Variants in DENND1A observed in about 807,000 individuals in gnomAD.
The protein encoded by DENND1A is DENN domain containing 1A, also known as DENN domain-containing protein 1A.
A neutral mutation model predicts 113.7 loss-of-function variants in DENND1A; 51 were observed. The ratio of observed to expected loss-of-function variants is 0.45; its 90% CI spans 0.36 to 0.57. The LOEUF is 0.57. Among genes scored for constraint, DENND1A ranks in the 20% least tolerant of loss-of-function variants. The pLI, the probability that DENND1A is intolerant of heterozygous loss-of-function variation, is 0.00. For missense variants in DENND1A, 1,258 were observed against 1,395.9 expected (o/e 0.90, Z 1.57); for synonymous variants, 565 against 570.8 (o/e 0.99, Z 0.14).
Position 123,688,256 on chromosome 9 carries a change from G to C in DENND1A, c.303-11467C>G, listed in dbSNP as rs372176661. Among the ~76,000 whole-genome samples the C allele has an allele frequency of 5.9e-5, 9 of 152,196 alleles. No individual in the cohort carries two copies. The East Asian group carries it at 1.7e-3, about 29-fold the overall frequency. ...CAGTTCTGTGTGACTTCCTATACTA[G>C]TAAGTACTTTTCTGGAAAAAAATCC... is the stretch of plus-strand genomic sequence containing the variant. On this transcript the variant is annotated intron_variant, in intron 5 of 23. Transcript: ENST00000394215.
At chr9:123,636,460 G>T (rs1264282332) in intron 9 of DENND1A, among the ~76,000 whole-genome samples, 2 of 152,008 alleles carry the variant, frequency 1.3e-5, no homozygotes, top group African/African-American at 4.8e-5. Flanking sequence ...GGGATTACAG[G>T]CACCTGCTAC....
In DENND1A at chr9:123,699,687, TC is replaced by T. The variant is rs1317842121; in HGVS notation, c.303-22899del. On this transcript the variant is annotated intron_variant, in intron 5 of 23. Coordinates refer to ENST00000394215, the MANE Select transcript of DENND1A (RefSeq NM_001352964.2). ...ATAGACTACCCTTTCATTCTTTCTT[TC>T]TTTTTTTTTTTTTTTTTTTTTTTAT... Among the ~76,000 whole-genome samples, 22 of 121,320 alleles carry T rather than the reference TC, an allele frequency of 1.8e-4. No homozygotes were observed. The East Asian group carries it at 3.9e-3, about 21-fold the overall frequency. The allele number at this position is 121,320 out of a possible 152,430, so 79.6% of individuals were successfully genotyped here. A position where few individuals can be genotyped will look rare whatever the true frequency, so the allele number is the denominator to read the frequency against.
intron 20 of DENND1A, among the ~76,000 whole-genome samples, chr9:123,407,266 C>T (rs1384674595): frequency 2.0e-5 from 3 of 152,154 alleles, no homozygotes; most frequent in African/African-American, 7.2e-5. Context: ...TGGCTGCCGA[C>T]CCACCCAGAG....
chr9:123,754,536 C>T (rs896155144), intron 5 of DENND1A, among the ~76,000 whole-genome samples: 15 of 152,104 alleles, frequency 9.9e-5, no homozygotes, highest in South Asian at 4.1e-4. Flanking sequence ...AACAGCAAGA[C>T]GACACTATGC....
intron 12 of DENND1A, among the ~76,000 whole-genome samples, chr9:123,576,792 G>C (rs1295488081): frequency 6.6e-6 from 1 of 152,154 alleles, no homozygotes; most frequent in Non-Finnish European, 1.5e-5. Flanking sequence ...ATTCTGGGTT[G>C]ATAAAAATTA....
In DENND1A at chr9:123,413,331, A is replaced by G. The variant is rs930687281; in HGVS notation, c.1489-1502T>C. On this transcript the variant is annotated intron_variant, in intron 19 of 23. Transcript: ENST00000394215. ...TTGGATATATTGGGTTCATTATATTAAAATCAATTTCACCTGTTTATGTTT... is the reference window on the plus strand; with the variant it reads ...TTGGATATATTGGGTTCATTATATTGAAATCAATTTCACCTGTTTATGTTT... 1.5e-5 allele frequency: 12 copies of G among 815,312 alleles called. No homozygotes were observed. In the Admixed American group the frequency reaches 7.5e-4, roughly 51 times the overall value. 50.5% of individuals were successfully genotyped at this position (815,312 alleles called of 1,614,324 possible).
At chr9:123,744,676 A>G (rs1452491343) in intron 5 of DENND1A, among the ~76,000 whole-genome samples, 2 of 151,466 alleles carry the variant, frequency 1.3e-5, no homozygotes, top group Non-Finnish European at 2.9e-5. Context: ...CATCTCACCT[A>G]TGACAATTGG....
chr9:123,827,392 AATATATAT>A (rs56805562), intron 2 of DENND1A, among the ~76,000 whole-genome samples: 14 of 140,786 alleles, frequency 9.9e-5, no homozygotes, highest in South Asian at 6.8e-4. Flanking sequence ...ATGGATATAT[AATATATAT>A]ATATATATAT....
chr9:123,491,719 C>T (rs1376672719), intron 13 of DENND1A, among the ~76,000 whole-genome samples: 1 of 152,164 alleles, frequency 6.6e-6, no homozygotes, highest in East Asian at 1.9e-4. Context: ...CATCCAGGAC[C>T]CTGGGAGCCC....
intron 2 of DENND1A, among the ~76,000 whole-genome samples, chr9:123,860,786 C>T (rs1324565131): frequency 3.3e-5 from 5 of 152,192 alleles, no homozygotes; most frequent in East Asian, 1.9e-4. Context: ...CTATGTCCTC[C>T]GCTTTACAGT....
At chr9:123,390,950 C>A (rs1454131876) in intron 21 of DENND1A, among the ~76,000 whole-genome samples, 2 of 152,276 alleles carry the variant, frequency 1.3e-5, no homozygotes, top group African/African-American at 4.8e-5. Context: ...TGCAACGCCA[C>A]TGAACCTGCC....
chr9:123,540,458 A>T (rs984575365), intron 13 of DENND1A, among the ~76,000 whole-genome samples: 1 of 152,216 alleles, frequency 6.6e-6, no homozygotes, highest in African/African-American at 2.4e-5. Context: ...CATTTTTAAA[A>T]ATAGAATTAG....
intron 1 of DENND1A, among the ~76,000 whole-genome samples, chr9:123,907,614 A>G (rs1160129172): frequency 3.4e-5 from 5 of 148,230 alleles, no homozygotes; most frequent in African/African-American, 1.3e-4. Context: ...AAAGAGAATA[A>G]AATACCTAGG....
At chr9:123,755,710 T>C (rs1334722015) in intron 5 of DENND1A, among the ~76,000 whole-genome samples, 2 of 152,238 alleles carry the variant, frequency 1.3e-5, no homozygotes, top group Non-Finnish European at 2.9e-5. Context: ...TTTATGATGA[T>C]CCACTTCCAC....
chr9:123,885,630 A>C (rs1000943195), intron 1 of DENND1A, among the ~76,000 whole-genome samples: 1 of 152,236 alleles, frequency 6.6e-6, no homozygotes, highest in African/African-American at 2.4e-5. Context: ...AAACAGCTAA[A>C]ACGTTTTTGA....
At chr9:123,812,968 T>C (rs1249274922) in intron 2 of DENND1A, among the ~76,000 whole-genome samples, 1 of 152,174 alleles carries the variant, frequency 6.6e-6, no homozygotes, top group Non-Finnish European at 1.5e-5. Context: ...TTTGTGGTTT[T>C]TGGAAAGGGT....
chr9:123,538,888 A>G (rs1271009822), intron 13 of DENND1A, among the ~76,000 whole-genome samples: 1 of 137,474 alleles, frequency 7.3e-6, no homozygotes, highest in Non-Finnish European at 1.5e-5. Context: ...GTATGTATCA[A>G]TTGTCACCTT....
chr9:123,553,034 A>C (rs747059070), intron 13 of DENND1A, among the ~76,000 whole-genome samples: 4 of 152,316 alleles, frequency 2.6e-5, no homozygotes, highest in African/African-American at 9.6e-5. Context: ...GGGCTGAAGG[A>C]TCACTCGAGC....
At chr9:123,628,863 T>C (rs1359966824) in intron 10 of DENND1A, among the ~76,000 whole-genome samples, 1 of 152,168 alleles carries the variant, frequency 6.6e-6, no homozygotes, top group Non-Finnish European at 1.5e-5. Flanking sequence ...CTTAATCTCA[T>C]AAGAGGTGGG....
Sources: allele counts gnomAD v4.1 joint callset (sites outside exome capture counted in the v4.1 genomes callset), GRCh38; gene constraint gnomAD v4.1.1; transcripts MANE v1.5; gene names NCBI Gene and HGNC (gene_info 2026-07-23, HGNC 2026-07-21).